The following HECW2 variants were observed in gnomAD, a reference collection of about 807,000 sequenced individuals.
The protein encoded by HECW2 is E3 ubiquitin-protein ligase HECW2.
Under a neutral mutation model 175.2 loss-of-function variants are expected in HECW2, and 61 were observed. The ratio of observed to expected loss-of-function variants is 0.35; its 90% CI spans 0.28 to 0.43. The LOEUF is 0.43. Among genes scored for constraint, HECW2 ranks in the 20% least tolerant of loss-of-function variants. The pLI is 1.00. For synonymous variants in HECW2, 671 were observed against 731.0 expected (o/e 0.92, Z 1.32); for missense variants, 1,524 against 2,000.5 (o/e 0.76, Z 4.54).
intron 1 of HECW2, among the ~76,000 whole-genome samples, chr2:196,589,882 C>T (rs553974902): frequency 1.3e-5 from 2 of 152,196 alleles, no homozygotes; most frequent in Admixed American, 6.5e-5. Context: ...ATAATATGGG[C>T]TTACAGCCAC....
chr2:196,523,266 GCTCT>G (rs1324064240), intron 1 of HECW2, among the ~76,000 whole-genome samples: 9 of 151,626 alleles, frequency 5.9e-5, no homozygotes, highest in Non-Finnish European at 1.0e-4. Context: ...TCATCATTTG[GCTCT>G]CTGTTTGTCT....
rs112095820 is a variant in HECW2, at chr2:196,446,746, C to T, written c.-35-13288G>A. ...GAAATCAACAAAAGGTGCATCAAAG[C>T]AGAAAAAAGCAAGAAGGGATGGAAT... On this transcript the variant is annotated intron_variant, in intron 1 of 28. Transcript: ENST00000644978. Among the ~76,000 whole-genome samples, 1,106 of 152,062 alleles carry T rather than the reference C, an allele frequency of 7.3e-3. 15 individuals carry two copies. The highest frequency in any genetic ancestry group is 0.025 in the African/African-American group (1,042 of 41,468).
At chr2:196,246,454 C>T (rs915174270) in intron 19 of HECW2, among the ~76,000 whole-genome samples, 1 of 152,086 alleles carries the variant, frequency 6.6e-6, no homozygotes, top group Non-Finnish European at 1.5e-5. Flanking sequence ...GGCACGATCT[C>T]GGGCACTGCA....
At chr2:196,256,156 G>A (rs1341989171) in intron 18 of HECW2, among the ~76,000 whole-genome samples, 8 of 152,042 alleles carry the variant, frequency 5.3e-5, no homozygotes, top group Non-Finnish European at 8.8e-5. Flanking sequence ...TATTAAGCAT[G>A]TACATATAAT....
chr2:196,450,756 C>A (rs1018581734), intron 1 of HECW2, among the ~76,000 whole-genome samples: 2 of 152,116 alleles, frequency 1.3e-5, no homozygotes, highest in Non-Finnish European at 2.9e-5. Context: ...GCTGGGATTA[C>A]AGATGTGAGC....
chr2:196,507,352 AT>A (rs1450519772), intron 1 of HECW2, among the ~76,000 whole-genome samples: 2 of 152,242 alleles, frequency 1.3e-5, no homozygotes, highest in Admixed American at 6.5e-5. Context: ...GTTACATAAC[AT>A]GACCAAAGTC....
At chr2:196,563,565 T>C (rs980507664) in intron 1 of HECW2, among the ~76,000 whole-genome samples, 1 of 151,524 alleles carries the variant, frequency 6.6e-6, no homozygotes, top group Admixed American at 6.6e-5. Flanking sequence ...TGAGACTCTA[T>C]CTCAAAAAAC....
intron 1 of HECW2, among the ~76,000 whole-genome samples, chr2:196,534,184 T>C (rs906003514): frequency 2.6e-5 from 4 of 152,198 alleles, no homozygotes; most frequent in Non-Finnish European, 4.4e-5. Flanking sequence ...CAGGTATTTA[T>C]AGTTCTATTT....
intron 21 of HECW2, among the ~76,000 whole-genome samples, chr2:196,230,112 TATAA>T (rs1171779310): frequency 6.6e-6 from 1 of 152,144 alleles, no homozygotes; most frequent in African/African-American, 2.4e-5. Context: ...GGCAGCTGAA[TATAA>T]CATGCTAACA....
At chr2:196,283,583 G>T (rs879621277) in intron 14 of HECW2, among the ~76,000 whole-genome samples, 1 of 151,986 alleles carries the variant, frequency 6.6e-6, no homozygotes, top group Admixed American at 6.6e-5. Flanking sequence ...GTTTCATCAC[G>T]TTGGCCAGGC....
intron 1 of HECW2, among the ~76,000 whole-genome samples, chr2:196,462,869 A>G (rs1352880025): frequency 2.0e-5 from 3 of 152,242 alleles, no homozygotes; most frequent in Admixed American, 6.5e-5. Flanking sequence ...ACAAATGTGT[A>G]CAAATGCCTG....
intron 23 of HECW2, among the ~76,000 whole-genome samples, chr2:196,224,109 T>C (rs1257955480): frequency 2.6e-5 from 4 of 152,054 alleles, no homozygotes; most frequent in Non-Finnish European, 5.9e-5. Context: ...AGAGTAGAGA[T>C]GGGGAAGAGT....
At chr2:196,206,095 A>G (rs934466892) in intron 28 of HECW2, among the ~76,000 whole-genome samples, 3 of 152,240 alleles carry the variant, frequency 2.0e-5, no homozygotes. Flanking sequence ...TTAGCAGAAA[A>G]TAACAGGAGG....
intron 7 of HECW2, among the ~76,000 whole-genome samples, chr2:196,321,797 C>T (rs1691953419): frequency 6.6e-6 from 1 of 152,202 alleles, no homozygotes; most frequent in African/African-American, 2.4e-5. Context: ...TACAATGTTT[C>T]TTCTATCTAC....
chr2:196,472,916 C>G (rs1402451753), intron 1 of HECW2, among the ~76,000 whole-genome samples: 1 of 152,214 alleles, frequency 6.6e-6, no homozygotes, highest in African/African-American at 2.4e-5. Context: ...CCACCGCACT[C>G]AGCTGGAAGG....
chr2:196,466,683 T>C (rs1253218712), intron 1 of HECW2, among the ~76,000 whole-genome samples: 2 of 152,178 alleles, frequency 1.3e-5, no homozygotes, highest in African/African-American at 4.8e-5. Context: ...CAGATCTTAA[T>C]TGATGATTAT....
At chr2:196,450,360 G>A (rs1696309552) in intron 1 of HECW2, among the ~76,000 whole-genome samples, 1 of 152,104 alleles carries the variant, frequency 6.6e-6, no homozygotes, top group Non-Finnish European at 1.5e-5. Context: ...TTCTGGAGAT[G>A]AGAGGAAGAA....
At chr2:196,285,195 T>C (rs1690338943) in intron 14 of HECW2, among the ~76,000 whole-genome samples, 1 of 152,208 alleles carries the variant, frequency 6.6e-6, no homozygotes, top group Admixed American at 6.5e-5. Context: ...ACTTCTATTA[T>C]TTTAAGAAAA....
At chr2:196,577,657 A>C (rs114318030) in intron 1 of HECW2, among the ~76,000 whole-genome samples, 1 of 152,296 alleles carries the variant, frequency 6.6e-6, no homozygotes, top group African/African-American at 2.4e-5. Flanking sequence ...GTGAAGGCTA[A>C]GGCAGAATTG....
Sources: gnomAD v4.1 joint callset for allele counts (sites outside exome capture counted in the v4.1 genomes callset) on GRCh38, gnomAD v4.1.1 for gene constraint, MANE v1.5 for transcripts, NCBI Gene and HGNC (gene_info 2026-07-23, HGNC 2026-07-21) for gene names.